ERG: variants seen among roughly 807,000 people sequenced by gnomAD.
The protein encoded by ERG is transcriptional regulator ERG.
ERG carries 9 observed loss-of-function variants against 55.3 expected under a neutral mutation model. The ratio of observed to expected loss-of-function variants is 0.16; its 90% CI spans 0.10 to 0.28. The LOEUF is 0.28. ERG is among the 10% of genes least tolerant of loss of function. The pLI is 1.00. For synonymous variants in ERG, 223 were observed against 237.3 expected (o/e 0.94, Z 0.55); for missense variants, 434 against 631.6 (o/e 0.69, Z 3.35).
chr21:38,420,303 CGTGTGTGTGT>C (rs34803336), intron 3 of ERG, among the ~76,000 whole-genome samples: 1 of 148,612 alleles, frequency 6.7e-6, no homozygotes, highest in African/African-American at 2.5e-5. Context: ...TGTGTGTGTG[CGTGTGTGTGT>C]GTGTGTGTTC....
chr21:38,464,055 TGAGCACTG>T (rs1360616302), intron 1 of ERG, among the ~76,000 whole-genome samples: 3 of 151,862 alleles, frequency 2.0e-5, no homozygotes, highest in Non-Finnish European at 4.4e-5. Flanking sequence ...AACACTAGGA[TGAGCACTG>T]GGGATGGGTT....
At chr21:38,497,177 C>A (rs1461439341) in intron 1 of ERG, among the ~76,000 whole-genome samples, 1 of 152,232 alleles carries the variant, frequency 6.6e-6, no homozygotes, top group Non-Finnish European at 1.5e-5. Context: ...ACTTCTCAAA[C>A]ACAGTTTCTA....
intron 9 of ERG, among the ~76,000 whole-genome samples, chr21:38,389,491 C>A (rs1346524176): frequency 6.6e-6 from 1 of 151,770 alleles, no homozygotes; most frequent in African/African-American, 2.4e-5. Context: ...AACATTGCTG[C>A]CAGATCAGTC....
At chr21:38,398,934 A>T (rs3787889) in intron 6 of ERG, among the ~76,000 whole-genome samples, 43,213 of 152,092 alleles carry the variant, frequency 0.28, 6,342 homozygotes, top group South Asian at 0.36. Context: ...AAGTAAAAAA[A>T]TTTTTAAAAC....
At chr21:38,580,447 T>C (rs1375514642) in intron 1 of ERG, among the ~76,000 whole-genome samples, 1 of 152,240 alleles carries the variant, frequency 6.6e-6, no homozygotes, top group African/African-American at 2.4e-5. Flanking sequence ...TAGTTTCATG[T>C]CACTGTAGGA....
At chr21:38,611,452 C>A (rs896164335) in intron 1 of ERG, among the ~76,000 whole-genome samples, 1 of 152,134 alleles carries the variant, frequency 6.6e-6, no homozygotes. Context: ...CCTCCCCTCT[C>A]TCCATCTGGC....
intron 2 of ERG, among the ~76,000 whole-genome samples, chr21:38,425,248 G>T (rs553068104): frequency 5.9e-5 from 9 of 152,046 alleles, no homozygotes; most frequent in Non-Finnish European, 1.3e-4. Context: ...CTGGGCAAGT[G>T]GTGGTGCATG....
chr21:38,611,827 A>G (rs980059462), intron 1 of ERG, among the ~76,000 whole-genome samples: 3 of 152,062 alleles, frequency 2.0e-5, no homozygotes, highest in Non-Finnish European at 2.9e-5. Flanking sequence ...TGGGCAGGCA[A>G]TAGGTGTTTG....
chr21:38,374,099 A>G, the ERG span, among the ~76,000 whole-genome samples: 2 of 152,244 alleles, frequency 1.3e-5, no homozygotes, highest in African/African-American at 2.4e-5. Flanking sequence ...GACATCTCCC[A>G]AAACTGCTTA....
chr21:38,542,536 C>T (rs1432797612), intron 2 of ERG, among the ~76,000 whole-genome samples: 1 of 152,162 alleles, frequency 6.6e-6, no homozygotes, highest in Non-Finnish European at 1.5e-5. Flanking sequence ...CAAAACATGG[C>T]TTTAAAATCT....
At chr21:38,642,628 T>C (rs1317477561) in intron 1 of ERG, among the ~76,000 whole-genome samples, 2 of 152,158 alleles carry the variant, frequency 1.3e-5, no homozygotes, top group Non-Finnish European at 2.9e-5. Context: ...ACTCAGAACA[T>C]CCTTGCAACA....
chr21:38,413,326 A>G (rs929127005), intron 3 of ERG, among the ~76,000 whole-genome samples: 5 of 152,210 alleles, frequency 3.3e-5, no homozygotes, highest in African/African-American at 1.2e-4. Context: ...GTCCTTTTAT[A>G]GTAACCTCTC....
intron 3 of ERG, among the ~76,000 whole-genome samples, chr21:38,420,310 GTGTGTGTGTGTTCATCTC>G: frequency 6.6e-6 from 1 of 152,212 alleles, no homozygotes; most frequent in South Asian, 2.1e-4. Context: ...GTGCGTGTGT[GTGTGTGTGTGTTCATCTC>G]TGTGTGTGTA....
chr21:38,644,214 A>C (rs1341054023), intron 1 of ERG, among the ~76,000 whole-genome samples: 1 of 152,240 alleles, frequency 6.6e-6, no homozygotes, highest in Admixed American at 6.5e-5. Flanking sequence ...AAGAGGCGGC[A>C]CCATTTAGTA....
intron 2 of ERG, among the ~76,000 whole-genome samples, chr21:38,522,914 A>G (rs557900030): frequency 1.5e-4 from 23 of 152,350 alleles, no homozygotes; most frequent in Middle Eastern, 3.4e-3. Flanking sequence ...CAGAATAACA[A>G]AAACAAAGTA....
At chr21:38,606,078 G>A (rs866136241) in intron 1 of ERG, among the ~76,000 whole-genome samples, 10 of 151,958 alleles carry the variant, frequency 6.6e-5, no homozygotes, top group Non-Finnish European at 1.3e-4. Context: ...AGAGAGAGAT[G>A]ATAGCTAGGT....
chr21:38,411,168 T>C (rs1050239590), intron 3 of ERG, among the ~76,000 whole-genome samples: 4 of 152,210 alleles, frequency 2.6e-5, no homozygotes. Flanking sequence ...AAATGGAAAT[T>C]TGATCTCAAA....
rs1403610846 is a variant in ERG, at chr21:38,655,387, G to T, written c.-150+6271C>A. On this transcript the variant is annotated intron_variant, in intron 1 of 10. Transcript: ENST00000398910. ...TGTTTCTGAAATTCCTGCTTTGCCT[G>T]TGCCTAAGCTTCCCAATTCTCCCAA... is the stretch of plus-strand genomic sequence containing the variant. Among the ~76,000 whole-genome samples, 12 of 152,110 alleles carry T rather than the reference G, an allele frequency of 7.9e-5. No homozygotes were observed. The East Asian group carries it at 1.5e-3, about 20-fold the overall frequency.
chr21:38,434,311 C>A lies in ERG; in HGVS notation c.237-10750G>T, dbSNP rs548605534. On this transcript the variant is annotated intron_variant, in intron 2 of 9. Transcript: ENST00000288319. ...TCAAAGACCACATTCCACATCACCCCCTAGTCTCTTCCCTTCAGGCCTTCA... is the reference window on the plus strand; with the variant it reads ...TCAAAGACCACATTCCACATCACCCACTAGTCTCTTCCCTTCAGGCCTTCA... Among the ~76,000 whole-genome samples the A allele has an allele frequency of 3.2e-4, 49 of 152,298 alleles. No individual in the cohort carries two copies. In the South Asian group the frequency reaches 9.7e-3, roughly 30 times the overall value.
Sources: gnomAD v4.1 joint callset for allele counts (sites outside exome capture counted in the v4.1 genomes callset) on GRCh38, gnomAD v4.1.1 for gene constraint, MANE v1.5 for transcripts, NCBI Gene and HGNC (gene_info 2026-07-23, HGNC 2026-07-21) for gene names.